CALN1: variants seen among roughly 807,000 people sequenced by gnomAD.
CALN1 encodes the protein calneuron 1.
A neutral mutation model predicts 30.6 loss-of-function variants in CALN1; 17 were observed. The ratio of observed to expected loss-of-function variants is 0.56; its 90% CI spans 0.38 to 0.83. The LOEUF (loss-of-function observed/expected upper bound fraction) is 0.83. CALN1 is among the 40% of genes least tolerant of loss of function. CALN1 has a pLI of 0.00. For missense variants in CALN1, 291 were observed against 354.9 expected (o/e 0.82, Z 1.45); for synonymous variants, 156 against 131.4 (o/e 1.19, Z -1.28).
intron 4 of CALN1, among the ~76,000 whole-genome samples, chr7:72,076,145 A>G (rs1159715925): frequency 6.6e-6 from 1 of 152,120 alleles, no homozygotes; most frequent in Non-Finnish European, 1.5e-5. Flanking sequence ...TCATTTCAAA[A>G]TGTGAAACTG....
intron 5 of CALN1, among the ~76,000 whole-genome samples, chr7:71,849,789 G>T (rs753360741): frequency 6.6e-6 from 1 of 152,014 alleles, no homozygotes; most frequent in East Asian, 1.9e-4. Flanking sequence ...GGCTATAGGC[G>T]CATGCCACCA....
chr7:72,078,095 G>T (rs1210398088), intron 4 of CALN1, among the ~76,000 whole-genome samples: 1 of 152,180 alleles, frequency 6.6e-6, no homozygotes, highest in Non-Finnish European at 1.5e-5. Context: ...TTCATCATTT[G>T]CCAGTTGTTC....
At chr7:71,977,719 G>A (rs1798168211) in intron 5 of CALN1, among the ~76,000 whole-genome samples, 1 of 152,016 alleles carries the variant, frequency 6.6e-6, no homozygotes, top group Admixed American at 6.6e-5. Context: ...ATCACCTGAG[G>A]TCAGGAGTTC....
At chr7:72,356,623 G>T (rs1353125771) in intron 2 of CALN1, among the ~76,000 whole-genome samples, 1 of 151,810 alleles carries the variant, frequency 6.6e-6, no homozygotes, top group African/African-American at 2.4e-5. Context: ...TTCAAAAATT[G>T]GATACACCTA....
At chr7:72,379,173 A>C (rs772678399) in intron 2 of CALN1, among the ~76,000 whole-genome samples, 5 of 152,150 alleles carry the variant, frequency 3.3e-5, no homozygotes, top group South Asian at 2.1e-4. Context: ...TCTGTCACAC[A>C]AACTGGATTA....
intron 5 of CALN1, among the ~76,000 whole-genome samples, chr7:71,986,842 G>A (rs1299142567): frequency 2.6e-5 from 4 of 152,114 alleles, no homozygotes; most frequent in Non-Finnish European, 5.9e-5. Context: ...TAAAAGTCTT[G>A]TGGGGCCAGG....
intron 2 of CALN1, among the ~76,000 whole-genome samples, chr7:72,340,306 C>CAA (rs1802322124): frequency 6.6e-6 from 1 of 152,138 alleles, no homozygotes; most frequent in South Asian, 2.1e-4. Context: ...CTCCTGGCCT[C>CAA]AAGTAATCCT....
chr7:72,068,672 G>A (rs1005183725), intron 4 of CALN1, among the ~76,000 whole-genome samples: 9 of 152,148 alleles, frequency 5.9e-5, no homozygotes, highest in Non-Finnish European at 8.8e-5. Flanking sequence ...ATTATTTTTA[G>A]CAGACATGGG....
chr7:72,406,415 C>G (rs183019807), intron 1 of CALN1, among the ~76,000 whole-genome samples: 145 of 152,238 alleles, frequency 9.5e-4, no homozygotes, highest in African/African-American at 3.3e-3. Flanking sequence ...TCCTTGTCCC[C>G]AAATTAACCG....
intron 1 of CALN1, among the ~76,000 whole-genome samples, chr7:72,435,607 G>A (rs537927260): frequency 6.6e-5 from 10 of 152,286 alleles, no homozygotes; most frequent in East Asian, 3.9e-4. Context: ...GGCCAGCAGC[G>A]CTCTGTGAAT....
chr7:72,214,633 A>T lies in CALN1; in HGVS notation c.244+64053T>A, dbSNP rs78008449. On this transcript the variant is annotated intron_variant, in intron 3 of 6. Transcript: ENST00000395275. ...ATCTTGTCTCAAGAAAAGAAAAAAA[A>T]ATAGGTCTTCTACAATCAGGGGTCC... 6.1e-3 allele frequency among the ~76,000 whole-genome samples: 927 copies of T among 152,150 alleles called. 9 individuals are homozygous for T. Among genetic ancestry groups the T allele is most frequent in the Non-Finnish European group, 0.011 (719 of 68,022 alleles).
chr7:72,465,995 G>A, the CALN1 span, among the ~76,000 whole-genome samples: 2 of 152,134 alleles, frequency 1.3e-5, no homozygotes, highest in South Asian at 4.1e-4. Context: ...GTAGAACAAA[G>A]ATGAGAAACA....
intron 3 of CALN1, among the ~76,000 whole-genome samples, chr7:72,188,957 G>T (rs1385334683): frequency 6.6e-6 from 1 of 152,006 alleles, no homozygotes; most frequent in Non-Finnish European, 1.5e-5. Flanking sequence ...GGTCTAAGAG[G>T]GACTAAGCCT....
intron 4 of CALN1, among the ~76,000 whole-genome samples, chr7:72,097,783 G>A (rs1413146329): frequency 2.0e-5 from 3 of 151,524 alleles, no homozygotes; most frequent in Admixed American, 6.6e-5. Context: ...GCACAATCTC[G>A]GCTCACCGCA....
intron 5 of CALN1, among the ~76,000 whole-genome samples, chr7:71,816,752 G>A (rs966977090): frequency 6.6e-6 from 1 of 152,030 alleles, no homozygotes; most frequent in Non-Finnish European, 1.5e-5. Flanking sequence ...GTTCGATCAC[G>A]AGGTCAGGAG....
intron 5 of CALN1, among the ~76,000 whole-genome samples, chr7:71,847,743 G>GAAGAAGAAAGAAGAAAGAAGAAGA (rs1790367492): frequency 1.1e-5 from 1 of 94,540 alleles, no homozygotes; most frequent in African/African-American, 4.0e-5. Context: ...AAAGAAGAAA[G>GAAGAAGAAAGAAGAAAGAAGAAGA]AAGAAGAAAG....
At chr7:72,471,201 T>C in the CALN1 span, among the ~76,000 whole-genome samples, 1 of 152,166 alleles carries the variant, frequency 6.6e-6, no homozygotes, top group Non-Finnish European at 1.5e-5. Flanking sequence ...AGCATTTCTA[T>C]TAAAGGAACA....
At chr7:72,414,638 C>T (rs1345846139), upstream of CALN1, among the ~76,000 whole-genome samples, 1 of 152,180 alleles carries the variant, frequency 6.6e-6, no homozygotes, top group East Asian at 1.9e-4. Flanking sequence ...CCTGAATTTG[C>T]CATAAGCTGT....
At chr7:72,282,617 T>C (rs193039426) in intron 2 of CALN1, among the ~76,000 whole-genome samples, 209 of 152,348 alleles carry the variant, frequency 1.4e-3, no homozygotes, top group Non-Finnish European at 2.1e-3. Context: ...AGAGAGCAGC[T>C]CTCACCAGAC....
Sources: gnomAD v4.1 joint callset for allele counts (sites outside exome capture counted in the v4.1 genomes callset) on GRCh38, gnomAD v4.1.1 for gene constraint, MANE v1.5 for transcripts, NCBI Gene and HGNC (gene_info 2026-07-23, HGNC 2026-07-21) for gene names.